KIAA1217: variants seen among roughly 807,000 people sequenced by gnomAD.
The protein encoded by KIAA1217 is sickle tail protein homolog.
KIAA1217 carries 88 observed loss-of-function variants against 163.9 expected under a neutral mutation model. The observed-to-expected ratio is 0.54, with a 90% CI of 0.45 to 0.64. The LOEUF is 0.64. KIAA1217 is among the 30% of genes least tolerant of loss of function. KIAA1217 has a pLI of 0.00. For missense variants in KIAA1217, 2,372 were observed against 2,475.0 expected (o/e 0.96, Z 0.88); for synonymous variants, 903 against 923.1 (o/e 0.98, Z 0.39).
chr10:24,236,246 C>A (rs958783600), intron 2 of KIAA1217, among the ~76,000 whole-genome samples: 2 of 151,966 alleles, frequency 1.3e-5, no homozygotes, highest in Admixed American at 6.6e-5. Flanking sequence ...TTTTCTTTTC[C>A]ATTCTTTTTC....
At chr10:23,947,739 T>A in intron 1 of KIAA1217, among the ~76,000 whole-genome samples, 1 of 152,146 alleles carries the variant, frequency 6.6e-6, no homozygotes, top group East Asian at 1.9e-4. Context: ...GGGAACCCAA[T>A]GGATAAAAAT....
At position 23,813,586 on chromosome 10, in the gene KIAA1217, T is replaced by G. The variant is rs1022919655; in HGVS notation, c.-321+118352T>G. ...TTTATAAAATGGCTATAAATCCTAC[T>G]ATGTAATTTATGTACCATAATGTAT... On this transcript the variant is annotated intron_variant, in intron 1 of 18. Coordinates refer to the KIAA1217 transcript ENST00000376462. 5.3e-5 allele frequency among the ~76,000 whole-genome samples: 8 copies of G among 152,298 alleles called. No individual in the cohort carries two copies. In the South Asian group the frequency reaches 1.7e-3, roughly 32 times the overall value.
chr10:24,201,553 C>T (rs543457745), intron 2 of KIAA1217, among the ~76,000 whole-genome samples: 1 of 152,246 alleles, frequency 6.6e-6, no homozygotes, highest in Admixed American at 6.5e-5. Context: ...GCCATCAATA[C>T]TTTGTAAATC....
intron 1 of KIAA1217, among the ~76,000 whole-genome samples, chr10:23,874,838 A>C (rs1202417482): frequency 6.6e-6 from 1 of 152,042 alleles, no homozygotes; most frequent in African/African-American, 2.4e-5. Flanking sequence ...CTGTGCTGCT[A>C]TAAAGGAATA....
chr10:24,520,313 A>G (rs1232431036), intron 11 of KIAA1217, 60 bp downstream of exon 11: 1 of 1,593,894 alleles, frequency 6.3e-7, no homozygotes, highest in Non-Finnish European at 8.6e-7. Flanking sequence ...GTGTTTAAAA[A>G]TCTGCCACAT....
At chr10:24,257,217 C>T (rs1184348642) in intron 2 of KIAA1217, among the ~76,000 whole-genome samples, 2 of 152,134 alleles carry the variant, frequency 1.3e-5, no homozygotes, top group African/African-American at 2.4e-5. Context: ...TCAGTTTCTA[C>T]CTGGTTTTCT....
intron 1 of KIAA1217, among the ~76,000 whole-genome samples, chr10:23,858,456 A>C (rs558070079): frequency 1.3e-5 from 2 of 151,926 alleles, no homozygotes; most frequent in Middle Eastern, 3.4e-3. Context: ...TATACACACA[A>C]ACATATGTGT....
chr10:24,503,487 G>A (rs975262165), intron 9 of KIAA1217, among the ~76,000 whole-genome samples: 2 of 152,208 alleles, frequency 1.3e-5, no homozygotes, highest in Non-Finnish European at 2.9e-5. Flanking sequence ...CATGTCTTCA[G>A]TGTCCGGGCA....
intron 2 of KIAA1217, among the ~76,000 whole-genome samples, chr10:24,234,781 T>A (rs1270311142): frequency 6.6e-6 from 1 of 152,152 alleles, no homozygotes; most frequent in East Asian, 1.9e-4. Flanking sequence ...TAACAACTGA[T>A]GGACTTAATT....
chr10:24,279,101 A>T (rs1564394546), intron 2 of KIAA1217, among the ~76,000 whole-genome samples: 1 of 152,110 alleles, frequency 6.6e-6, no homozygotes, highest in Non-Finnish European at 1.5e-5. Flanking sequence ...TGGCCTCCCA[A>T]AGTACTGGGA....
intron 2 of KIAA1217, among the ~76,000 whole-genome samples, chr10:24,333,189 T>A (rs1245185947): frequency 6.6e-6 from 1 of 152,080 alleles, no homozygotes; most frequent in Non-Finnish European, 1.5e-5. Context: ...CACAGCCAGC[T>A]AATTTTTGTA....
intron 2 of KIAA1217, among the ~76,000 whole-genome samples, chr10:24,049,030 CAAAA>C (rs59235039): frequency 9.3e-5 from 8 of 86,172 alleles, no homozygotes; most frequent in Middle Eastern, 6.9e-3. Context: ...TACTCTGTCT[CAAAA>C]AAAAAAAAAA....
At chr10:24,112,840 C>T (rs908302890) in intron 2 of KIAA1217, among the ~76,000 whole-genome samples, 2 of 152,126 alleles carry the variant, frequency 1.3e-5, no homozygotes, top group African/African-American at 4.8e-5. Context: ...CCCGCCTCAG[C>T]CTCCCACAGT....
At chr10:24,066,181 C>T (rs1251573353) in intron 2 of KIAA1217, among the ~76,000 whole-genome samples, 1 of 152,164 alleles carries the variant, frequency 6.6e-6, no homozygotes, top group Non-Finnish European at 1.5e-5. Context: ...TTGATCCTGT[C>T]ATTATGATGT....
At chr10:24,010,901 G>T (rs1362455386) in intron 2 of KIAA1217, among the ~76,000 whole-genome samples, 1 of 152,096 alleles carries the variant, frequency 6.6e-6, no homozygotes, top group Non-Finnish European at 1.5e-5. Flanking sequence ...ATGACCAAAA[G>T]ATGGGATTAG....
intron 2 of KIAA1217, among the ~76,000 whole-genome samples, chr10:24,321,622 G>T (rs2044170966): frequency 6.6e-6 from 1 of 152,136 alleles, no homozygotes; most frequent in Non-Finnish European, 1.5e-5. Context: ...CTACAAAATG[G>T]ATGAACCTTG....
At chr10:24,345,496 C>T (rs1345016754) in intron 2 of KIAA1217, among the ~76,000 whole-genome samples, 2 of 152,298 alleles carry the variant, frequency 1.3e-5, no homozygotes, top group South Asian at 2.1e-4. Context: ...GAAACACTAA[C>T]GGGACCATTA....
chr10:24,137,535 G>T (rs770022839), intron 2 of KIAA1217, among the ~76,000 whole-genome samples: 4 of 152,198 alleles, frequency 2.6e-5, no homozygotes, highest in Non-Finnish European at 5.9e-5. Context: ...TGTGGGCCAA[G>T]AATCAAAACG....
At chr10:24,383,931 G>A (rs1448917777) in intron 3 of KIAA1217, among the ~76,000 whole-genome samples, 1 of 152,210 alleles carries the variant, frequency 6.6e-6, no homozygotes, top group Non-Finnish European at 1.5e-5. Flanking sequence ...CAGGGGCCTT[G>A]CTCAGCTTAG....
Sources: allele counts gnomAD v4.1 joint callset (sites outside exome capture counted in the v4.1 genomes callset), GRCh38; gene constraint gnomAD v4.1.1; transcripts MANE v1.5; gene names NCBI Gene and HGNC (gene_info 2026-07-23, HGNC 2026-07-21).